C12orf54: variants seen among roughly 807,000 people sequenced by gnomAD.
C12orf54 encodes the protein uncharacterized protein C12orf54.
Under a neutral mutation model 26.4 loss-of-function variants are expected in C12orf54, and 24 were observed. The observed-to-expected ratio is 0.91, with a 90% CI of 0.66 to 1.28. C12orf54 has a LOEUF of 1.28. Ranked by LOEUF, C12orf54 falls within the 50% of genes most tolerant of loss-of-function variation. The probability of loss-of-function intolerance (pLI) is 0.00; values close to 1 mark genes in which losing one functional copy is unlikely to be tolerated. For missense variants in C12orf54, 154 were observed against 150.9 expected (o/e 1.02, Z -0.11); for synonymous variants, 54 against 47.0 (o/e 1.15, Z -0.61).
chr12:48,472,799 A>G, the C12orf54 span: 180 of 1,614,088 alleles, frequency 1.1e-4, no homozygotes, highest in Non-Finnish European at 1.5e-4. Flanking sequence ...AAGAACTGGA[A>G]TTATTAAATA....
the C12orf54 span, among the ~76,000 whole-genome samples, chr12:48,450,123 G>T: frequency 1.1e-4 from 17 of 152,110 alleles, no homozygotes; most frequent in African/African-American, 3.9e-4. Context: ...CTAATACATT[G>T]CATTAATGCT....
chr12:48,464,904 CA>C, the C12orf54 span, among the ~76,000 whole-genome samples: 3 of 152,036 alleles, frequency 2.0e-5, no homozygotes, highest in African/African-American at 7.2e-5. Context: ...CTTACATATA[CA>C]AAAATTACCT....
At chr12:48,433,678 A>G in the C12orf54 span, among the ~76,000 whole-genome samples, 2 of 152,048 alleles carry the variant, frequency 1.3e-5, no homozygotes, top group Non-Finnish European at 2.9e-5. Context: ...TGATCTCTTG[A>G]CCTTGTGATC....
chr12:48,473,122 A>C, the C12orf54 span: 7 of 1,611,802 alleles, frequency 4.3e-6, no homozygotes, highest in Non-Finnish European at 5.9e-6. Context: ...CCGGATGACA[A>C]GGAGGCCCCT....
At chr12:48,467,027 T>A in the C12orf54 span, among the ~76,000 whole-genome samples, 1 of 152,154 alleles carries the variant, frequency 6.6e-6, no homozygotes, top group Admixed American at 6.5e-5. Flanking sequence ...ACTCAGAACC[T>A]GTAAATGTGA....
At chr12:48,458,751 C>A in the C12orf54 span, among the ~76,000 whole-genome samples, 1 of 148,978 alleles carries the variant, frequency 6.7e-6, no homozygotes, top group Non-Finnish European at 1.5e-5. Context: ...TTTTTTAAAC[C>A]AAACCTCATA....
At chr12:48,452,884 G>A in the C12orf54 span, among the ~76,000 whole-genome samples, 10 of 152,158 alleles carry the variant, frequency 6.6e-5, no homozygotes, top group Non-Finnish European at 8.8e-5. Flanking sequence ...TTTTTACACC[G>A]TTGGTGGGAG....
upstream of C12orf54, among the ~76,000 whole-genome samples, chr12:48,480,639 C>A (rs1954189111): frequency 6.6e-6 from 1 of 152,096 alleles, no homozygotes; most frequent in African/African-American, 2.4e-5. Context: ...CCTATAGAAA[C>A]CAGTTTGAAC....
the C12orf54 span, among the ~76,000 whole-genome samples, chr12:48,436,259 CA>C: frequency 2.0e-5 from 3 of 152,042 alleles, no homozygotes; most frequent in African/African-American, 7.3e-5. Flanking sequence ...ATTCATAAAG[CA>C]AGTCCTGAGT....
chr12:48,448,614 C>A, the C12orf54 span, among the ~76,000 whole-genome samples: 40 of 152,184 alleles, frequency 2.6e-4, no homozygotes, highest in Admixed American at 6.5e-4. Context: ...AATAACAAGC[C>A]CTTTTTCTCT....
rs959576420 is a variant in C12orf54 at position 48,493,099 on chromosome 12, G to A, written c.242+104G>A. The A allele has an allele frequency of 2.3e-5, 25 of 1,077,730 alleles. No individual in the cohort carries two copies. In the East Asian group the frequency reaches 5.6e-4, roughly 24 times the overall value. The allele number at this position is 1,077,730 out of a possible 1,614,324, so 66.8% of individuals were successfully genotyped here. On this transcript the variant is annotated intron_variant, in intron 7 of 8. Coordinates refer to ENST00000548364, the MANE Select transcript of C12orf54 (RefSeq NM_152319.4). ...AGCTCTGAGCCTTGAGCCTTCAGAA[G>A]CCTGTGCTTCCAAAGGGGCAAGAAG...
chr12:48,434,721 C>G, the C12orf54 span, among the ~76,000 whole-genome samples: 3 of 152,194 alleles, frequency 2.0e-5, no homozygotes, highest in Non-Finnish European at 4.4e-5. Flanking sequence ...AGAAGGAAAA[C>G]TAACAAACAG....
the C12orf54 span, among the ~76,000 whole-genome samples, chr12:48,476,905 A>T: frequency 6.6e-6 from 1 of 152,214 alleles, no homozygotes; most frequent in East Asian, 1.9e-4. Flanking sequence ...CCTAATAGAC[A>T]TCTACAGAAC....
chr12:48,452,853 G>C, the C12orf54 span, among the ~76,000 whole-genome samples: 1 of 152,082 alleles, frequency 6.6e-6, no homozygotes, highest in South Asian at 2.1e-4. Context: ...GAACTAGCAA[G>C]ATTGTGGCAA....
At position 48,493,104 on chromosome 12, in the gene C12orf54, T is replaced by G. The variant is rs75802085; in HGVS notation, c.242+109T>G. On this transcript the variant is annotated intron_variant, in intron 7 of 8. Coordinates refer to ENST00000548364, the MANE Select transcript of C12orf54 (RefSeq NM_152319.4). ...TGAGCCTTGAGCCTTCAGAAGCCTGTGCTTCCAAAGGGGCAAGAAGTGCCT... is the reference window on the plus strand; with the variant it reads ...TGAGCCTTGAGCCTTCAGAAGCCTGGGCTTCCAAAGGGGCAAGAAGTGCCT... 5.3e-4 allele frequency: 554 copies of G among 1,039,002 alleles called. 8 individuals are homozygous for G. The East Asian group carries it at 0.013, about 25-fold the overall frequency. The allele number at this position is 1,039,002 out of a possible 1,614,324, so 64.4% of individuals were successfully genotyped here. A position where few individuals can be genotyped will look rare whatever the true frequency, so the allele number is the denominator to read the frequency against.
the C12orf54 span, among the ~76,000 whole-genome samples, chr12:48,447,963 C>T: frequency 6.6e-6 from 1 of 152,132 alleles, no homozygotes; most frequent in Non-Finnish European, 1.5e-5. Context: ...ACACAGAATG[C>T]ATGAGAAGTA....
At chr12:48,415,989 T>G in the C12orf54 span, among the ~76,000 whole-genome samples, 23 of 152,160 alleles carry the variant, frequency 1.5e-4, no homozygotes, top group African/African-American at 4.8e-4. Flanking sequence ...CAAGAGAAAA[T>G]CTAGACTTAC....
chr12:48,435,634 ACC>A, the C12orf54 span, among the ~76,000 whole-genome samples: 3 of 152,248 alleles, frequency 2.0e-5, no homozygotes, highest in South Asian at 6.2e-4. Context: ...AGAATTTTCA[ACC>A]CAGAATTTCA....
At chr12:48,478,577 A>C (rs1954167726), upstream of C12orf54, among the ~76,000 whole-genome samples, 1 of 152,148 alleles carries the variant, frequency 6.6e-6, no homozygotes, top group African/African-American at 2.4e-5. Context: ...AATGTACAAA[A>C]ATCACAAGCA....
Sources: allele counts gnomAD v4.1 joint callset (sites outside exome capture counted in the v4.1 genomes callset), GRCh38; gene constraint gnomAD v4.1.1; transcripts MANE v1.5; gene names NCBI Gene and HGNC (gene_info 2026-07-23, HGNC 2026-07-21).